SYT1: variants seen among roughly 807,000 people sequenced by gnomAD.
SYT1 encodes synaptotagmin 1.
SYT1 carries 8 observed loss-of-function variants against 44.8 expected under a neutral mutation model. The observed-to-expected ratio is 0.18, with a 90% CI of 0.10 to 0.32. SYT1 has a LOEUF of 0.32. SYT1 is among the 10% of genes least tolerant of loss of function. SYT1 has a pLI of 1.00. For synonymous variants in SYT1, 154 were observed against 188.8 expected (o/e 0.82, Z 1.51); for missense variants, 286 against 509.3 (o/e 0.56, Z 4.22).
At chr12:79,054,520 T>G (rs952253228) in intron 3 of SYT1, among the ~76,000 whole-genome samples, 5 of 151,978 alleles carry the variant, frequency 3.3e-5, no homozygotes, top group African/African-American at 9.7e-5. Context: ...ACAGTGGACA[T>G]TCACCATATA....
At chr12:79,021,589 A>G (rs757345232) in intron 2 of SYT1, among the ~76,000 whole-genome samples, 1 of 151,898 alleles carries the variant, frequency 6.6e-6, no homozygotes, top group Non-Finnish European at 1.5e-5. Flanking sequence ...TTATAAAAAA[A>G]GAACCATAGC....
intron 6 of SYT1, among the ~76,000 whole-genome samples, chr12:79,295,172 G>A: frequency 6.6e-6 from 1 of 152,082 alleles, no homozygotes; most frequent in African/African-American, 2.4e-5. Context: ...AGTCTGCTTT[G>A]TTACCTATAT....
chr12:79,390,321 C>T (rs1164034285), intron 9 of SYT1, among the ~76,000 whole-genome samples: 1 of 152,092 alleles, frequency 6.6e-6, no homozygotes, highest in African/African-American at 2.4e-5. Context: ...AGGTAAATTC[C>T]TAGAAGTAAC....
At chr12:79,293,446 G>C (rs1219453621) in intron 6 of SYT1, among the ~76,000 whole-genome samples, 4 of 151,640 alleles carry the variant, frequency 2.6e-5, no homozygotes, top group African/African-American at 9.7e-5. Flanking sequence ...TCTCCAAGTA[G>C]GAAAGTTTTA....
intron 3 of SYT1, among the ~76,000 whole-genome samples, chr12:79,204,959 CTTTTTTT>C (rs35259216): frequency 9.0e-4 from 2 of 2,226 alleles, no homozygotes; most frequent in Admixed American, 7.0e-3. Context: ...CCTGTTGTAA[CTTTTTTT>C]TTTTTTTTTT....
chr12:79,037,051 T>C (rs943580621), intron 2 of SYT1, among the ~76,000 whole-genome samples: 2 of 151,904 alleles, frequency 1.3e-5, no homozygotes, highest in South Asian at 2.1e-4. Context: ...TAATTGAACA[T>C]TTATTTATGT....
At chr12:78,899,618 TTTC>T (rs1875549334) in intron 1 of SYT1, among the ~76,000 whole-genome samples, 1 of 140,026 alleles carries the variant, frequency 7.1e-6, no homozygotes, top group African/African-American at 2.8e-5. Context: ...AAAAGAGTTT[TTTC>T]TTTTTTCTTA....
At chr12:79,248,004 G>A (rs938696873) in intron 4 of SYT1, among the ~76,000 whole-genome samples, 8 of 152,134 alleles carry the variant, frequency 5.3e-5, no homozygotes, top group African/African-American at 1.7e-4. Flanking sequence ...AAAAAATAGC[G>A]AAGAATAGTC....
chr12:79,263,851 CT>C lies in SYT1; in HGVS notation c.167-21924del, dbSNP rs921622069. 2.1e-3 allele frequency among the ~76,000 whole-genome samples: 306 copies of C among 143,486 alleles called. 1 individual carries two copies. The highest frequency in any genetic ancestry group is 3.7e-3 in the Admixed American group (53 of 14,286). The allele number at this position is 143,486 out of a possible 152,430, so 94.1% of individuals were successfully genotyped here. A position where few individuals can be genotyped will look rare whatever the true frequency, so the allele number is the denominator to read the frequency against. ...CCAAAAGAAAACATGGGCTCTTAAG[CT>C]TTTTTTTTTTTAAGTATGAGCACAG... On this transcript the variant is annotated intron_variant, in intron 4 of 10. Transcript: ENST00000261205.
At chr12:78,866,034 T>G (rs945219502) in intron 1 of SYT1, among the ~76,000 whole-genome samples, 10 of 152,202 alleles carry the variant, frequency 6.6e-5, no homozygotes, top group African/African-American at 1.9e-4. Flanking sequence ...GACAACAATT[T>G]TATAGGGAGG....
chr12:78,882,426 T>C (rs1000244517), intron 1 of SYT1, among the ~76,000 whole-genome samples: 1 of 151,724 alleles, frequency 6.6e-6, no homozygotes, highest in African/African-American at 2.4e-5. Context: ...CATTAGACAC[T>C]AAAATTGTAA....
chr12:79,102,685 C>T (rs539388322), intron 3 of SYT1, among the ~76,000 whole-genome samples: 4 of 152,250 alleles, frequency 2.6e-5, no homozygotes, highest in South Asian at 2.1e-4. Flanking sequence ...GCAAATACTG[C>T]GTGTGCAACT....
At chr12:79,213,156 G>A (rs1042074794) in intron 3 of SYT1, among the ~76,000 whole-genome samples, 2 of 152,116 alleles carry the variant, frequency 1.3e-5, no homozygotes, top group African/African-American at 4.8e-5. Context: ...AAAGAATAGA[G>A]TAGAATTGAA....
At chr12:79,249,540 T>C (rs1028659743) in intron 4 of SYT1, among the ~76,000 whole-genome samples, 2 of 152,048 alleles carry the variant, frequency 1.3e-5, no homozygotes, top group African/African-American at 2.4e-5. Flanking sequence ...CCCAATCAGG[T>C]AGTTAAAGAA....
chr12:79,096,559 ATGT>A (rs1317595291), intron 3 of SYT1, among the ~76,000 whole-genome samples: 1 of 151,958 alleles, frequency 6.6e-6, no homozygotes, highest in Non-Finnish European at 1.5e-5. Flanking sequence ...CACTGCAGAG[ATGT>A]TGTTTAGTTG....
intron 2 of SYT1, among the ~76,000 whole-genome samples, chr12:79,030,595 C>T (rs1036335448): frequency 1.3e-5 from 2 of 150,994 alleles, no homozygotes. Flanking sequence ...TTTCCCACTC[C>T]ATCTTCTGGA....
chr12:79,330,233 T>G (rs1248579897), intron 8 of SYT1, among the ~76,000 whole-genome samples: 1 of 152,186 alleles, frequency 6.6e-6, no homozygotes, highest in African/African-American at 2.4e-5. Context: ...CTGTTTCCTG[T>G]GCATTCAGGA....
chr12:78,919,197 A>T (rs1002798449), intron 1 of SYT1, among the ~76,000 whole-genome samples: 32 of 152,064 alleles, frequency 2.1e-4, no homozygotes, highest in African/African-American at 6.5e-4. Flanking sequence ...AATTTTTTTT[A>T]AAAAAAGTTG....
intron 2 of SYT1, among the ~76,000 whole-genome samples, chr12:78,987,751 A>G (rs1055452932): frequency 6.6e-5 from 10 of 152,200 alleles, no homozygotes; most frequent in Admixed American, 6.6e-4. Context: ...TTTACTCAAC[A>G]TTTAAAGAAG....
Sources: allele counts gnomAD v4.1 joint callset (sites outside exome capture counted in the v4.1 genomes callset), GRCh38; gene constraint gnomAD v4.1.1; transcripts MANE v1.5; gene names NCBI Gene and HGNC (gene_info 2026-07-23, HGNC 2026-07-21).